The following MOXD1 variants were observed in gnomAD, a reference collection of about 807,000 sequenced individuals.
MOXD1 encodes the protein monooxygenase DBH like 1.
A neutral mutation model predicts 66.6 loss-of-function variants in MOXD1; 62 were observed. That is an observed-to-expected ratio of 0.93 (90% CI 0.76 to 1.15). MOXD1 has a LOEUF of 1.15. Among genes scored for constraint, MOXD1 ranks in the 50% most tolerant of loss-of-function variants. The pLI is 0.00. For synonymous variants in MOXD1, 303 were observed against 281.9 expected (o/e 1.07, Z -0.75); for missense variants, 847 against 754.6 (o/e 1.12, Z -1.44).
chr6:132,396,953 C>T (rs1022463828), intron 1 of MOXD1, among the ~76,000 whole-genome samples: 4 of 152,154 alleles, frequency 2.6e-5, no homozygotes, highest in Non-Finnish European at 4.4e-5. Context: ...TGTCTTCTTA[C>T]GTGATGTTCA....
intron 1 of MOXD1, among the ~76,000 whole-genome samples, chr6:132,376,868 T>C (rs1416572560): frequency 1.3e-5 from 2 of 152,244 alleles, no homozygotes; most frequent in East Asian, 3.8e-4. Context: ...ATGTATTAAC[T>C]AAACTAATCT....
intron 10 of MOXD1, among the ~76,000 whole-genome samples, chr6:132,315,325 C>T (rs1366172018): frequency 3.9e-5 from 6 of 152,198 alleles, no homozygotes; most frequent in African/African-American, 9.6e-5. Flanking sequence ...TTCCTCTAGA[C>T]TTTGCTTCAT....
At chr6:132,374,977 G>A in intron 1 of MOXD1, 200 bp from the exon 2 acceptor site, 1 of 614,312 alleles carries the variant, frequency 1.6e-6, no homozygotes, top group South Asian at 2.0e-5. Context: ...TTTCAGGAAA[G>A]CATAGTGTAG....
chr6:132,354,810 C>T (rs144877580), intron 4 of MOXD1, among the ~76,000 whole-genome samples: 5,331 of 152,106 alleles, frequency 0.035, 139 homozygotes, highest in Middle Eastern at 0.088. Context: ...CTCAGACTCT[C>T]CTTGGAAGGG....
chr6:132,380,217 A>C (rs1371411338), intron 1 of MOXD1, among the ~76,000 whole-genome samples: 1 of 152,204 alleles, frequency 6.6e-6, no homozygotes, highest in African/African-American at 2.4e-5. Flanking sequence ...TCTTCCTTGA[A>C]AAATCACCCT....
At chr6:132,354,731 G>A (rs568919119) in intron 4 of MOXD1, among the ~76,000 whole-genome samples, 74 of 152,288 alleles carry the variant, frequency 4.9e-4, no homozygotes, top group African/African-American at 1.7e-3. Context: ...AGTATATAGC[G>A]TTTGTCTTCA....
At chr6:132,341,400 A>G (rs529596543) in intron 4 of MOXD1, among the ~76,000 whole-genome samples, 63 of 152,318 alleles carry the variant, frequency 4.1e-4, no homozygotes, top group African/African-American at 1.3e-3. Flanking sequence ...TACATTGCCC[A>G]GTCTAAAGTA....
intron 9 of MOXD1, among the ~76,000 whole-genome samples, chr6:132,318,439 T>C (rs1268722160): frequency 6.6e-6 from 1 of 152,092 alleles, no homozygotes; most frequent in Admixed American, 6.6e-5. Flanking sequence ...AAATTGAGCA[T>C]CTTTTCATAT....
intron 4 of MOXD1, among the ~76,000 whole-genome samples, chr6:132,333,122 G>A (rs964678208): frequency 1.3e-5 from 2 of 152,092 alleles, no homozygotes; most frequent in African/African-American, 4.8e-5. Flanking sequence ...AGATCACAAG[G>A]TCAGGAGATC....
chr6:132,386,379 G>A (rs1201423229), intron 1 of MOXD1, among the ~76,000 whole-genome samples: 1 of 148,722 alleles, frequency 6.7e-6, no homozygotes, highest in Non-Finnish European at 1.5e-5. Flanking sequence ...TTCAGCCTGG[G>A]CGACAGAGCG....
chr6:132,347,075 A>T (rs1056971033), intron 4 of MOXD1, among the ~76,000 whole-genome samples: 22 of 152,332 alleles, frequency 1.4e-4, no homozygotes, highest in South Asian at 1.2e-3. Context: ...TGTACCAAGG[A>T]CATTACACAA....
At chr6:132,370,836 T>C (rs369820597) in intron 4 of MOXD1, among the ~76,000 whole-genome samples, 2 of 152,284 alleles carry the variant, frequency 1.3e-5, no homozygotes. Flanking sequence ...CTTGATACGC[T>C]TCTTATAGGA....
In MOXD1 at chr6:132,374,735, G is replaced by C. The variant is rs1207530749; in HGVS notation, c.307C>G (p.Gln103Glu). ...NANRELKKDA[Q>E]QDYHLEYAME... ...GCATATTCTAGATGGTAATCTTGCT[G>C]AGCATCTTTTTTCAACTCTCTATTT... The change falls in exon 2 of 12, where the codon CAG becomes GAG. Residue 103 changes from glutamine (Q) to glutamate (E), a missense_variant. By Grantham distance (29) the Gln-to-Glu change is conservative (BLOSUM62 2). Transcript: ENST00000367963. The C allele has an allele frequency of 6.2e-7, 1 of 1,613,816 alleles. No homozygotes were observed.
At chr6:132,400,284 T>C (rs1455042856) in intron 1 of MOXD1, among the ~76,000 whole-genome samples, 1 of 152,172 alleles carries the variant, frequency 6.6e-6, no homozygotes, top group Non-Finnish European at 1.5e-5. Flanking sequence ...GGGCAGTATG[T>C]TCGGATGAAT....
intron 10 of MOXD1, among the ~76,000 whole-genome samples, chr6:132,300,146 C>A: frequency 6.6e-6 from 1 of 151,960 alleles, no homozygotes; most frequent in South Asian, 2.1e-4. Flanking sequence ...GTTTTAAATG[C>A]ATTATTTTAT....
At chr6:132,342,128 A>C (rs1775576279) in intron 4 of MOXD1, among the ~76,000 whole-genome samples, 1 of 152,024 alleles carries the variant, frequency 6.6e-6, no homozygotes. Context: ...TCAGCCTCTC[A>C]AGTAGCTGGG....
intron 9 of MOXD1, among the ~76,000 whole-genome samples, chr6:132,316,828 T>C (rs1279932572): frequency 6.6e-6 from 1 of 151,886 alleles, no homozygotes; most frequent in Non-Finnish European, 1.5e-5. Flanking sequence ...GTAACTGGAG[T>C]TCTAGAATGA....
chr6:132,394,593 G>A (rs1776833356), intron 1 of MOXD1, among the ~76,000 whole-genome samples: 1 of 150,726 alleles, frequency 6.6e-6, no homozygotes, highest in Admixed American at 6.6e-5. Context: ...GGAAATAAAT[G>A]AGAAATTTAC....
intron 10 of MOXD1, among the ~76,000 whole-genome samples, chr6:132,305,187 G>A (rs1774660370): frequency 6.6e-6 from 1 of 152,256 alleles, no homozygotes; most frequent in Non-Finnish European, 1.5e-5. Context: ...TGGAGCCAGA[G>A]AGGCTGGATG....
Sources: allele counts gnomAD v4.1 joint callset (sites outside exome capture counted in the v4.1 genomes callset), GRCh38; gene constraint gnomAD v4.1.1; transcripts MANE v1.5; gene names NCBI Gene and HGNC (gene_info 2026-07-23, HGNC 2026-07-21).